Variants in CLSTN2 observed in about 807,000 individuals in gnomAD.
The protein encoded by CLSTN2 is calsyntenin 2.
Under a neutral mutation model 101.2 loss-of-function variants are expected in CLSTN2, and 48 were observed. That is an observed-to-expected ratio of 0.47 (90% CI 0.38 to 0.60). The LOEUF is 0.60. Among genes scored for constraint, CLSTN2 ranks in the 20% least tolerant of loss-of-function variants. The pLI, the probability that CLSTN2 is intolerant of heterozygous loss-of-function variation, is 0.00. For synonymous variants in CLSTN2, 481 were observed against 463.6 expected (o/e 1.04, Z -0.48); for missense variants, 1,160 against 1,238.2 (o/e 0.94, Z 0.95).
At chr3:140,299,906 C>T (rs2107908926) in intron 2 of CLSTN2, among the ~76,000 whole-genome samples, 1 of 152,272 alleles carries the variant, frequency 6.6e-6, no homozygotes, top group Non-Finnish European at 1.5e-5. Context: ...TCTTTTTCCT[C>T]TTCTGTAATG....
intron 1 of CLSTN2, among the ~76,000 whole-genome samples, chr3:140,133,273 GGGATCC>G (rs1380781747): frequency 6.6e-6 from 1 of 152,122 alleles, no homozygotes. Flanking sequence ...CCATTCGTGA[GGGATCC>G]GCCTCCATGA....
At position 140,313,367 on chromosome 3, in the gene CLSTN2, G is replaced by T. The variant is rs528433795; in HGVS notation, c.233-90262G>T. 3.9e-5 allele frequency among the ~76,000 whole-genome samples: 6 copies of T among 152,248 alleles called. No homozygotes were observed. The East Asian group carries it at 1.2e-3, about 29-fold the overall frequency. The stretch of plus-strand genomic sequence containing the variant: ...AGCTTCTGCAAATCACCACACAGCC[G>T]TGGTACCCTGACAGGAGGCTAAAAG... On this transcript the variant is annotated intron_variant, in intron 2 of 16. Transcript: ENST00000458420.
chr3:140,438,826 C>T (rs1475735523), intron 5 of CLSTN2, among the ~76,000 whole-genome samples: 3 of 152,172 alleles, frequency 2.0e-5, no homozygotes, highest in Non-Finnish European at 4.4e-5. Flanking sequence ...CTGTACCTTT[C>T]CAGCATCAGT....
At chr3:140,009,878 G>A (rs886489706) in intron 1 of CLSTN2, among the ~76,000 whole-genome samples, 3 of 152,220 alleles carry the variant, frequency 2.0e-5, no homozygotes, top group Non-Finnish European at 4.4e-5. Context: ...TGAAATTGCT[G>A]TCTCGGCAAT....
At chr3:140,546,735 C>G in intron 10 of CLSTN2, 54 bp downstream of exon 10, 1 of 1,479,200 alleles carries the variant, frequency 6.8e-7, no homozygotes. Flanking sequence ...TGATGCCCAG[C>G]CTGCACAGCG....
intron 7 of CLSTN2, chr3:140,460,264 T>A: frequency 6.1e-6 from 1 of 164,412 alleles, no homozygotes; most frequent in Non-Finnish European, 1.4e-5. Context: ...TTCGATAGGC[T>A]TTTCAGCATG....
chr3:140,055,111 T>G (rs766492864), intron 1 of CLSTN2, among the ~76,000 whole-genome samples: 3 of 152,240 alleles, frequency 2.0e-5, no homozygotes, highest in African/African-American at 2.4e-5. Flanking sequence ...CTCAGTGATG[T>G]GTAAAACTTT....
At chr3:140,080,975 T>A (rs553155239) in intron 1 of CLSTN2, among the ~76,000 whole-genome samples, 2 of 152,334 alleles carry the variant, frequency 1.3e-5, no homozygotes, top group East Asian at 3.9e-4. Context: ...AAAGTGGAGA[T>A]AGGGATGAGC....
intron 2 of CLSTN2, among the ~76,000 whole-genome samples, chr3:140,320,680 T>C (rs1392424154): frequency 2.0e-5 from 3 of 151,912 alleles, no homozygotes; most frequent in Non-Finnish European, 4.4e-5. Context: ...AATGTATGTA[T>C]TGACTATTGA....
chr3:140,143,697 G>A (rs2009736930), intron 1 of CLSTN2, among the ~76,000 whole-genome samples: 1 of 152,184 alleles, frequency 6.6e-6, no homozygotes, highest in Non-Finnish European at 1.5e-5. Context: ...GTGCCAGTCA[G>A]GAAGCCTGCC....
intron 8 of CLSTN2, among the ~76,000 whole-genome samples, chr3:140,473,948 T>G (rs1043048744): frequency 2.6e-5 from 4 of 151,584 alleles, no homozygotes; most frequent in Non-Finnish European, 5.9e-5. Context: ...GTTTGTTTGG[T>G]TTTTTTTAGT....
At chr3:140,297,293 T>TA (rs1454231902) in intron 2 of CLSTN2, among the ~76,000 whole-genome samples, 1 of 152,184 alleles carries the variant, frequency 6.6e-6, no homozygotes, top group African/African-American at 2.4e-5. Context: ...CTGGAGGACA[T>TA]AGAATCTCAT....
chr3:140,362,801 A>G (rs2087743784), intron 2 of CLSTN2, among the ~76,000 whole-genome samples: 1 of 152,204 alleles, frequency 6.6e-6, no homozygotes, highest in Non-Finnish European at 1.5e-5. Context: ...CAGATATACC[A>G]TAATGATTTT....
chr3:140,073,155 G>A (rs1158345217), intron 1 of CLSTN2, among the ~76,000 whole-genome samples: 3 of 152,212 alleles, frequency 2.0e-5, no homozygotes, highest in East Asian at 1.9e-4. Flanking sequence ...TCATTTTCTT[G>A]TAAGATATCA....
intron 8 of CLSTN2, among the ~76,000 whole-genome samples, chr3:140,501,547 A>T (rs1238481797): frequency 6.6e-6 from 1 of 152,126 alleles, no homozygotes; most frequent in Non-Finnish European, 1.5e-5. Flanking sequence ...AGTTGTATGA[A>T]TTTTTTCTAG....
At position 140,244,205 on chromosome 3, in the gene CLSTN2, C is replaced by A. The variant is rs972486418; in HGVS notation, c.232+68132C>A. ...TTGTACTGCCTGCACCTGGATGTGGCCCTCCGGGACTACACCACTTGACTG... is the reference window on the plus strand; with the variant it reads ...TTGTACTGCCTGCACCTGGATGTGGACCTCCGGGACTACACCACTTGACTG... On this transcript the variant is annotated intron_variant, in intron 2 of 16. Coordinates refer to ENST00000458420, the MANE Select transcript of CLSTN2 (RefSeq NM_022131.3). Among the ~76,000 whole-genome samples the A allele has an allele frequency of 3.3e-5, 5 of 152,156 alleles. No individual in the cohort carries two copies. In the South Asian group the frequency reaches 1.0e-3, roughly 32 times the overall value.
At chr3:140,547,601 TTC>T (rs1278735551) in intron 10 of CLSTN2, among the ~76,000 whole-genome samples, 1 of 152,200 alleles carries the variant, frequency 6.6e-6, no homozygotes, top group African/African-American at 2.4e-5. Context: ...TGACTGAAGC[TTC>T]TCTCGTTCTC....
chr3:140,005,175 G>A (rs1233445610), intron 1 of CLSTN2, among the ~76,000 whole-genome samples: 2 of 152,172 alleles, frequency 1.3e-5, no homozygotes, highest in Non-Finnish European at 2.9e-5. Flanking sequence ...TCATGGCAGG[G>A]CAGCTCTGAG....
At chr3:140,415,571 T>A (rs2107986609) in intron 4 of CLSTN2, among the ~76,000 whole-genome samples, 1 of 136,040 alleles carries the variant, frequency 7.4e-6, no homozygotes, top group Non-Finnish European at 1.6e-5. Flanking sequence ...AAGATACACA[T>A]ATAAATGGTC....
Sources: gnomAD v4.1 joint callset for allele counts (sites outside exome capture counted in the v4.1 genomes callset) on GRCh38, gnomAD v4.1.1 for gene constraint, MANE v1.5 for transcripts, NCBI Gene and HGNC (gene_info 2026-07-23, HGNC 2026-07-21) for gene names.